PDSS2: variants seen among roughly 807,000 people sequenced by gnomAD.
PDSS2 encodes the protein all trans-polyprenyl-diphosphate synthase PDSS2.
Under a neutral mutation model 44.5 loss-of-function variants are expected in PDSS2, and 31 were observed. The ratio of observed to expected loss-of-function variants is 0.70; its 90% CI spans 0.52 to 0.94. The LOEUF (loss-of-function observed/expected upper bound fraction) is 0.94. Among genes scored for constraint, PDSS2 ranks in the 40% least tolerant of loss-of-function variants. The probability of loss-of-function intolerance (pLI) is 0.00; values close to 1 mark genes in which losing one functional copy is unlikely to be tolerated. For missense variants in PDSS2, 452 were observed against 482.2 expected (o/e 0.94, Z 0.59); for synonymous variants, 157 against 180.3 (o/e 0.87, Z 1.03).
At chr6:107,290,125 T>C (rs1776295063) in intron 2 of PDSS2, among the ~76,000 whole-genome samples, 1 of 152,204 alleles carries the variant, frequency 6.6e-6, no homozygotes, top group Non-Finnish European at 1.5e-5. Flanking sequence ...ACCTATTCTG[T>C]TAAAACAGTT....
intron 1 of PDSS2, among the ~76,000 whole-genome samples, chr6:107,418,341 G>A (rs1780727348): frequency 6.6e-6 from 1 of 152,146 alleles, no homozygotes; most frequent in Non-Finnish European, 1.5e-5. Flanking sequence ...AGCCTCTAGT[G>A]GTTGAAAAAG....
chr6:107,415,756 G>A (rs904180337), intron 1 of PDSS2, among the ~76,000 whole-genome samples: 14 of 152,144 alleles, frequency 9.2e-5, no homozygotes, highest in African/African-American at 3.1e-4. Context: ...TAATGCTTCC[G>A]ACTTCCAAAT....
chr6:107,221,716 T>A (rs1773615544), intron 4 of PDSS2, among the ~76,000 whole-genome samples: 1 of 152,212 alleles, frequency 6.6e-6, no homozygotes, highest in South Asian at 2.1e-4. Context: ...CGAGAGATAC[T>A]TTGAGTTGCT....
intron 4 of PDSS2, chr6:107,230,255 G>T (rs1425143520): frequency 6.7e-6 from 1 of 149,958 alleles, no homozygotes; most frequent in African/African-American, 2.4e-5. Context: ...TTCATGAACA[G>T]CCCTGACATG....
At chr6:107,177,930 G>C (rs1212505283) in intron 7 of PDSS2, among the ~76,000 whole-genome samples, 1 of 152,134 alleles carries the variant, frequency 6.6e-6, no homozygotes, top group Non-Finnish European at 1.5e-5. Flanking sequence ...ATAGTCCTGG[G>C]GGTATTTGAG....
chr6:107,459,078 G>A lies in PDSS2; in HGVS notation c.208C>T (p.Arg70Cys). 6.2e-7 allele frequency: 1 copy of A among 1,614,098 alleles called. No individual in the cohort carries two copies. The highest frequency in any genetic ancestry group is 1.1e-5 in the South Asian group (1 of 91,082). ...VGYPTSFMSLRCLLSDELSNI... is the reference protein window; with the variant it reads ...VGYPTSFMSLCCLLSDELSNI... ...CTGAGCTCGTCGCTCAGCAGGCAGC[G>A]AAGGCTCATGAAGGACGTGGGGTAC... Residue 70 changes from arginine (R) to cysteine (C), a missense_variant, in exon 1 of 8, where the codon CGC (arginine) becomes TGC (cysteine). Physicochemically the swap from Arg to Cys is radical, Grantham distance 180 (BLOSUM62 -3). Coordinates refer to ENST00000369037, the MANE Select transcript of PDSS2 (RefSeq NM_020381.4). This position sits in a 1 kb window ranked among gnomAD's most constrained non-coding sequence, Gnocchi z 4.3.
At chr6:107,395,063 A>C (rs188436523) in intron 1 of PDSS2, among the ~76,000 whole-genome samples, 1 of 152,222 alleles carries the variant, frequency 6.6e-6, no homozygotes, top group East Asian at 1.9e-4. Flanking sequence ...CAATGGATAT[A>C]GTAATCTAGG....
chr6:107,318,115 A>C (rs1777258829), intron 2 of PDSS2, among the ~76,000 whole-genome samples: 1 of 152,154 alleles, frequency 6.6e-6, no homozygotes, highest in South Asian at 2.1e-4. Flanking sequence ...TTTATATATA[A>C]AGTGCCTGGT....
chr6:107,350,795 A>G (rs1466580193), intron 1 of PDSS2, among the ~76,000 whole-genome samples: 1 of 152,078 alleles, frequency 6.6e-6, no homozygotes, highest in African/African-American at 2.4e-5. Context: ...GGGTGAACAG[A>G]GCAGGACCCT....
chr6:107,241,409 A>G (rs1390532633), intron 4 of PDSS2, among the ~76,000 whole-genome samples: 1 of 129,202 alleles, frequency 7.7e-6, no homozygotes, highest in Non-Finnish European at 1.6e-5. Flanking sequence ...TGCAGTGGCG[A>G]GATATCGGCT....
At chr6:107,175,442 T>A (rs1047358010) in intron 7 of PDSS2, among the ~76,000 whole-genome samples, 1 of 152,164 alleles carries the variant, frequency 6.6e-6, no homozygotes, top group African/African-American at 2.4e-5. Flanking sequence ...TTTCTTTCAC[T>A]CTTAAACAAA....
At chr6:107,411,128 C>T (rs966373054) in intron 1 of PDSS2, among the ~76,000 whole-genome samples, 6 of 151,930 alleles carry the variant, frequency 3.9e-5, no homozygotes, top group African/African-American at 7.3e-5. Context: ...TCAAATGATC[C>T]GCCCACCTCG....
intron 1 of PDSS2, among the ~76,000 whole-genome samples, chr6:107,449,640 G>T (rs1013085301): frequency 1.3e-5 from 2 of 152,060 alleles, no homozygotes; most frequent in Admixed American, 6.5e-5. Flanking sequence ...ATTATGACAC[G>T]TGTGCAACCT....
intron 6 of PDSS2, among the ~76,000 whole-genome samples, chr6:107,209,511 G>C (rs1052328970): frequency 2.0e-5 from 3 of 151,140 alleles, no homozygotes; most frequent in Non-Finnish European, 4.4e-5. Context: ...ATCAATAAGG[G>C]TTGGGAGGAG....
intron 7 of PDSS2, among the ~76,000 whole-genome samples, chr6:107,163,895 G>A (rs890705995): frequency 6.6e-6 from 1 of 152,132 alleles, no homozygotes. Context: ...GAGCCATCAC[G>A]CCCAGCTGAT....
intron 1 of PDSS2, among the ~76,000 whole-genome samples, chr6:107,410,101 T>C (rs529428729): frequency 1.3e-5 from 2 of 152,284 alleles, no homozygotes; most frequent in East Asian, 1.9e-4. Context: ...GCTGAATGAA[T>C]AGGCCATCCA....
chr6:107,196,754 C>G (rs1157757279), intron 6 of PDSS2, among the ~76,000 whole-genome samples: 1 of 152,184 alleles, frequency 6.6e-6, no homozygotes, highest in Non-Finnish European at 1.5e-5. Context: ...AAGACCAAGA[C>G]AGGATTAGAA....
chr6:107,203,193 C>CCCA (rs1562372081), intron 6 of PDSS2, among the ~76,000 whole-genome samples: 8 of 152,216 alleles, frequency 5.3e-5, no homozygotes, highest in Admixed American at 1.3e-4. Context: ...TGTCAAGAAC[C>CCCA]TAAGTTAAAC....
chr6:107,334,165 G>C (rs1777799020), intron 2 of PDSS2, 33 bp downstream of exon 2: 1 of 1,595,038 alleles, frequency 6.3e-7, no homozygotes, highest in Non-Finnish European at 8.6e-7. Context: ...ACACGATGTA[G>C]AGAGCAATGT....
Sources: gnomAD v4.1 joint callset for allele counts (sites outside exome capture counted in the v4.1 genomes callset) on GRCh38, gnomAD v4.1.1 for gene constraint, Gnocchi (gnomAD v3.1) non-coding constraint, MANE v1.5 for transcripts, NCBI Gene and HGNC (gene_info 2026-07-23, HGNC 2026-07-21) for gene names.